COMMD10: variants seen among roughly 807,000 people sequenced by gnomAD.
COMMD10 encodes COMM domain containing 10.
Under a neutral mutation model 28.9 loss-of-function variants are expected in COMMD10, and 33 were observed. That is an observed-to-expected ratio of 1.14 (90% CI 0.87 to 1.53). COMMD10 has a LOEUF of 1.53. Among genes scored for constraint, COMMD10 ranks in the 40% most tolerant of loss-of-function variants. The pLI, the probability that COMMD10 is intolerant of heterozygous loss-of-function variation, is 0.00. For missense variants in COMMD10, 310 were observed against 233.4 expected (o/e 1.33, Z -2.14); for synonymous variants, 110 against 81.7 (o/e 1.35, Z -1.87).
At chr5:116,114,582 C>G (rs1751166787) in intron 4 of COMMD10, among the ~76,000 whole-genome samples, 1 of 152,154 alleles carries the variant, frequency 6.6e-6, no homozygotes. Context: ...TGCATTGTGT[C>G]TCAGAGAGTA....
In COMMD10 at chr5:116,256,880, C is replaced by G. The variant is rs531047478; in HGVS notation, c.511-34637C>G. Among the ~76,000 whole-genome samples, 47 of 151,842 alleles carry G rather than the reference C, an allele frequency of 3.1e-4. 2 individuals are homozygous for G. In the South Asian group the frequency reaches 9.5e-3, roughly 31 times the overall value. On this transcript the variant is annotated intron_variant, in intron 5 of 6. Coordinates refer to ENST00000274458, the MANE Select transcript of COMMD10 (RefSeq NM_016144.4). ...ACTCTGTGGTGTTTGGCATCACTGT[C>G]ATTCCTGACTCTGAATTTGTATGCT...
intron 5 of COMMD10, among the ~76,000 whole-genome samples, chr5:116,280,507 G>A (rs557339061): frequency 1.3e-5 from 2 of 151,778 alleles, no homozygotes; most frequent in African/African-American, 4.9e-5. Context: ...AAGGCAACCT[G>A]CAGACATAAA....
chr5:116,253,550 A>T (rs1319282821), intron 5 of COMMD10, among the ~76,000 whole-genome samples: 1 of 135,902 alleles, frequency 7.4e-6, no homozygotes, highest in Non-Finnish European at 1.6e-5. Context: ...ATCTGTTGAG[A>T]TAATCATGTG....
chr5:116,186,425 C>A (rs1561655881), intron 5 of COMMD10, among the ~76,000 whole-genome samples: 3 of 152,036 alleles, frequency 2.0e-5, no homozygotes, highest in Admixed American at 1.3e-4. Flanking sequence ...TCATGAAATA[C>A]AGTTAATATT....
At chr5:116,160,829 C>T (rs1752892192) in intron 5 of COMMD10, among the ~76,000 whole-genome samples, 1 of 152,124 alleles carries the variant, frequency 6.6e-6, no homozygotes, top group South Asian at 2.1e-4. Flanking sequence ...GTTCTGTTTT[C>T]TGCCTCTCTG....
chr5:116,219,420 A>G (rs1292714419), intron 5 of COMMD10, among the ~76,000 whole-genome samples: 2 of 152,072 alleles, frequency 1.3e-5, no homozygotes, highest in Admixed American at 1.3e-4. Flanking sequence ...AGATTGGGAG[A>G]CTATCCCGGG....
intron 5 of COMMD10, among the ~76,000 whole-genome samples, chr5:116,211,368 A>T (rs1561669257): frequency 6.6e-6 from 1 of 152,148 alleles, no homozygotes; most frequent in Admixed American, 6.6e-5. Flanking sequence ...CCTATACAGC[A>T]TGTTACTGTG....
At chr5:116,193,786 A>C (rs1224930318) in intron 5 of COMMD10, among the ~76,000 whole-genome samples, 3 of 152,150 alleles carry the variant, frequency 2.0e-5, no homozygotes, top group African/African-American at 4.8e-5. Flanking sequence ...ACAAAGAAAC[A>C]ATGAATTTGT....
chr5:116,106,733 T>TAATG (rs1750853152), intron 4 of COMMD10, among the ~76,000 whole-genome samples: 1 of 152,192 alleles, frequency 6.6e-6, no homozygotes, highest in African/African-American at 2.4e-5. Context: ...TGCCATTATG[T>TAATG]AATGCCCTTG....
chr5:116,239,985 G>A (rs1224280235), intron 5 of COMMD10, among the ~76,000 whole-genome samples: 2 of 152,122 alleles, frequency 1.3e-5, no homozygotes, highest in African/African-American at 4.8e-5. Flanking sequence ...GGTAGTCTCA[G>A]AGTAGAAGAG....
intron 5 of COMMD10, among the ~76,000 whole-genome samples, chr5:116,281,953 G>A (rs1751079997): frequency 6.6e-6 from 1 of 151,522 alleles, no homozygotes; most frequent in Non-Finnish European, 1.5e-5. Context: ...TCTTTTCCTG[G>A]GCAATTTCAT....
chr5:116,234,928 G>T (rs761317406), intron 5 of COMMD10, among the ~76,000 whole-genome samples: 4 of 152,062 alleles, frequency 2.6e-5, no homozygotes, highest in African/African-American at 9.7e-5. Flanking sequence ...GAAAAGAGTT[G>T]GATAAGAGCA....
intron 5 of COMMD10, among the ~76,000 whole-genome samples, chr5:116,249,642 C>T (rs963364034): frequency 2.6e-5 from 4 of 151,802 alleles, no homozygotes; most frequent in East Asian, 3.9e-4. Flanking sequence ...AATGCTGGCA[C>T]GACTGTGATG....
At chr5:116,150,496 A>C (rs1752489115) in intron 5 of COMMD10, among the ~76,000 whole-genome samples, 1 of 151,148 alleles carries the variant, frequency 6.6e-6, no homozygotes, top group Non-Finnish European at 1.5e-5. Flanking sequence ...TGAGCATGGA[A>C]TGTTCTTCCA....
chr5:116,257,071 A>AT (rs1003088428), intron 5 of COMMD10, among the ~76,000 whole-genome samples: 5 of 151,670 alleles, frequency 3.3e-5, no homozygotes, highest in Admixed American at 6.6e-5. Context: ...TCTGTATTTT[A>AT]TTTTTTTTAG....
At chr5:116,152,858 A>G (rs1167378201) in intron 5 of COMMD10, among the ~76,000 whole-genome samples, 1 of 152,108 alleles carries the variant, frequency 6.6e-6, no homozygotes, top group Non-Finnish European at 1.5e-5. Flanking sequence ...AACTTTAAGT[A>G]GTTTCATTGA....
chr5:116,139,610 A>G (rs1012707390), intron 5 of COMMD10, among the ~76,000 whole-genome samples: 14 of 151,294 alleles, frequency 9.3e-5, no homozygotes, highest in Non-Finnish European at 1.5e-4. Flanking sequence ...TTTTCATTGA[A>G]GTATCACGTA....
intron 5 of COMMD10, among the ~76,000 whole-genome samples, chr5:116,195,240 T>G (rs1417422097): frequency 6.6e-6 from 1 of 152,100 alleles, no homozygotes; most frequent in Non-Finnish European, 1.5e-5. Context: ...AAGCATTTCC[T>G]CTGAGAACTG....
At chr5:116,121,191 C>T (rs1751421562) in intron 4 of COMMD10, among the ~76,000 whole-genome samples, 1 of 151,618 alleles carries the variant, frequency 6.6e-6, no homozygotes, top group African/African-American at 2.4e-5. Context: ...TCCAAGTGTT[C>T]TCATTGTTCA....
Sources: gnomAD v4.1 joint callset for allele counts (sites outside exome capture counted in the v4.1 genomes callset) on GRCh38, gnomAD v4.1.1 for gene constraint, MANE v1.5 for transcripts, NCBI Gene and HGNC (gene_info 2026-07-23, HGNC 2026-07-21) for gene names.